EXOC6B: variants seen among roughly 807,000 people sequenced by gnomAD.
EXOC6B encodes the protein exocyst complex component 6B.
Under a neutral mutation model 113.5 loss-of-function variants are expected in EXOC6B, and 54 were observed. That is an observed-to-expected ratio of 0.48 (90% confidence interval 0.38 to 0.60). The LOEUF (loss-of-function observed/expected upper bound fraction) is 0.60, where lower values mean the gene tolerates loss of function less well. Among genes scored for constraint, EXOC6B ranks in the 20% least tolerant of loss-of-function variants. The pLI is 0.00. For missense variants in EXOC6B, 797 were observed against 977.5 expected, an observed-to-expected ratio of 0.82 and a Z score of 2.46; for synonymous variants, 357 against 339.0, an observed-to-expected ratio of 1.05 and a Z score of -0.58.
chr2:72,304,074 T>C (rs2104764673), intron 20 of EXOC6B, among the ~76,000 whole-genome samples: 2 of 152,330 alleles, frequency 1.3e-5, no homozygotes, highest in Admixed American at 1.3e-4. Flanking sequence ...CACTCCCAGG[T>C]GGGCGTTTAT....
At position 72,178,165 on chromosome 2, in the gene EXOC6B, G is replaced by C. The variant is rs1677851731; in HGVS notation, c.*1170C>G. The C allele has an allele frequency of 6.6e-6, 1 of 152,174 alleles. No homozygotes were observed. Among genetic ancestry groups the C allele is most frequent in the South Asian group, 2.1e-4 (1 of 4,816 alleles). The allele number at this position is 152,174 out of a possible 1,614,324, so 9.4% of individuals were successfully genotyped here. On this transcript the variant is annotated 3_prime_UTR_variant, in exon 22 of 22. Coordinates refer to ENST00000272427, the MANE Select transcript of EXOC6B (RefSeq NM_015189.3). Reference sequence around the variant, plus strand: ...ATATCTAGGATATTATTTAGTGAAGGACAGTTGGGCCAGAGGCAACAAGCC... The same window carrying C: ...ATATCTAGGATATTATTTAGTGAAGCACAGTTGGGCCAGAGGCAACAAGCC...
intron 11 of EXOC6B, among the ~76,000 whole-genome samples, chr2:72,501,931 T>C (rs893193556): frequency 6.6e-6 from 1 of 151,652 alleles, no homozygotes; most frequent in African/African-American, 2.4e-5. Flanking sequence ...TGGTTAATGT[T>C]TTTTTATTTT....
At chr2:72,645,243 T>C (rs537511106) in intron 6 of EXOC6B, among the ~76,000 whole-genome samples, 1 of 152,298 alleles carries the variant, frequency 6.6e-6, no homozygotes, top group South Asian at 2.1e-4. Flanking sequence ...GAACTAACCA[T>C]GCTAAATATA....
In EXOC6B at chr2:72,825,417, G is replaced by A. The variant is rs1461354638; in HGVS notation, c.113+381C>T. Among the ~76,000 whole-genome samples the A allele has an allele frequency of 6.6e-6, 1 of 152,210 alleles. No homozygotes were observed. Among genetic ancestry groups the A allele is most frequent in the Non-Finnish European group, 1.5e-5 (1 of 68,024 alleles). On this transcript the variant is annotated intron_variant, in intron 1 of 21. Coordinates refer to ENST00000272427, the MANE Select transcript of EXOC6B (RefSeq NM_015189.3). This position sits in a 1 kb window ranked among gnomAD's most constrained non-coding sequence, Gnocchi z 4.4. ...GAAATTCTGTGTTGTCTGAAGAGCA[G>A]GACTCCTGTCTAGGGCAGGACGTAG...
intron 18 of EXOC6B, among the ~76,000 whole-genome samples, chr2:72,413,021 C>G (rs1042739154): frequency 6.6e-6 from 1 of 151,978 alleles, no homozygotes; most frequent in Non-Finnish European, 1.5e-5. Context: ...TGCAGTGGCG[C>G]GATCTCAGCT....
At chr2:72,464,474 G>C (rs912875300) in intron 18 of EXOC6B, 1 of 152,316 alleles carries the variant, frequency 6.6e-6, no homozygotes, top group Non-Finnish European at 1.5e-5. Flanking sequence ...TACTAAGGTG[G>C]TCAGCTTCAA....
chr2:72,595,494 A>C (rs1388125263), intron 6 of EXOC6B, among the ~76,000 whole-genome samples: 1 of 151,554 alleles, frequency 6.6e-6, no homozygotes, highest in East Asian at 1.9e-4. Context: ...AAATATGAAT[A>C]CTACAGAAAA....
chr2:72,717,629 C>A (rs1442221732), intron 6 of EXOC6B, among the ~76,000 whole-genome samples: 1 of 152,058 alleles, frequency 6.6e-6, no homozygotes, highest in Admixed American at 6.5e-5. Flanking sequence ...AAATCCTTTT[C>A]TTTGATCATA....
intron 1 of EXOC6B, among the ~76,000 whole-genome samples, chr2:72,772,747 G>A (rs576776040): frequency 6.6e-6 from 1 of 152,314 alleles, no homozygotes; most frequent in Admixed American, 6.5e-5. Context: ...CAATCAGCCT[G>A]TTCAGAGATT....
chr2:72,547,459 G>A (rs1048722494), intron 8 of EXOC6B, among the ~76,000 whole-genome samples: 1 of 152,142 alleles, frequency 6.6e-6, no homozygotes, highest in African/African-American at 2.4e-5. Flanking sequence ...CTGCTCATGA[G>A]AAGATGATGT....
chr2:72,699,787 A>G (rs1217511155), intron 6 of EXOC6B, among the ~76,000 whole-genome samples: 1 of 152,216 alleles, frequency 6.6e-6, no homozygotes. Flanking sequence ...TACCAAATCC[A>G]AGGGCAGGAT....
chr2:72,813,547 C>T (rs1273163371), intron 1 of EXOC6B, among the ~76,000 whole-genome samples: 2 of 152,134 alleles, frequency 1.3e-5, no homozygotes, highest in African/African-American at 4.8e-5. Context: ...ATACCTCTTC[C>T]TTACAAATGT....
chr2:72,650,491 C>A (rs1484350350), intron 6 of EXOC6B, among the ~76,000 whole-genome samples: 1 of 152,038 alleles, frequency 6.6e-6, no homozygotes, highest in Non-Finnish European at 1.5e-5. Context: ...CTCCCAGCTA[C>A]TTGGGAGGCT....
intron 1 of EXOC6B, among the ~76,000 whole-genome samples, chr2:72,791,710 T>C (rs1053862279): frequency 1.3e-5 from 2 of 152,264 alleles, no homozygotes; most frequent in African/African-American, 4.8e-5. Flanking sequence ...CCAAAGGATA[T>C]GTATCTACAA....
intron 6 of EXOC6B, among the ~76,000 whole-genome samples, chr2:72,612,905 G>T (rs371142076): frequency 1.2e-4 from 19 of 152,138 alleles, no homozygotes; most frequent in African/African-American, 3.9e-4. Flanking sequence ...GTTTCTTATT[G>T]GATGTCTTTA....
intron 7 of EXOC6B, among the ~76,000 whole-genome samples, chr2:72,567,071 T>G (rs1428618241): frequency 6.6e-6 from 1 of 152,024 alleles, no homozygotes; most frequent in Non-Finnish European, 1.5e-5. Flanking sequence ...TGAATATATC[T>G]TCTTATATAG....
At chr2:72,382,591 G>A (rs959164291) in intron 18 of EXOC6B, among the ~76,000 whole-genome samples, 2 of 152,118 alleles carry the variant, frequency 1.3e-5, no homozygotes, top group Non-Finnish European at 2.9e-5. Flanking sequence ...GATAGGAGCA[G>A]CATTGAATCT....
chr2:72,686,416 C>T (rs990943675), intron 6 of EXOC6B, among the ~76,000 whole-genome samples: 6 of 152,152 alleles, frequency 3.9e-5, no homozygotes. Context: ...GAGAGATACT[C>T]TCTTAGAGAA....
intron 18 of EXOC6B, among the ~76,000 whole-genome samples, chr2:72,458,628 G>C (rs547261739): frequency 2.0e-5 from 3 of 152,106 alleles, no homozygotes; most frequent in Admixed American, 6.6e-5. Context: ...TCCACACTGA[G>C]ACGTTTTATA....
Sources: allele counts gnomAD v4.1 joint callset (sites outside exome capture counted in the v4.1 genomes callset), GRCh38; gene constraint gnomAD v4.1.1; non-coding constraint Gnocchi (gnomAD v3.1); transcripts MANE v1.5; gene names NCBI Gene and HGNC (gene_info 2026-07-23, HGNC 2026-07-21).